The following KIAA1217 variants were observed in gnomAD, a reference collection of about 807,000 sequenced individuals.
The protein encoded by KIAA1217 is sickle tail protein homolog.
In KIAA1217, 88 loss-of-function variants were observed where a neutral mutation model predicts 163.9. The ratio of observed to expected loss-of-function variants is 0.54; its 90% CI spans 0.45 to 0.64. The LOEUF (loss-of-function observed/expected upper bound fraction) is 0.64, where lower values mean the gene tolerates loss of function less well. KIAA1217 is among the 30% of genes least tolerant of loss of function. The pLI, the probability that KIAA1217 is intolerant of heterozygous loss-of-function variation, is 0.00. For synonymous variants in KIAA1217, 903 were observed against 923.1 expected, an observed-to-expected ratio of 0.98 and a Z score of 0.39; for missense variants, 2,372 against 2,475.0, an observed-to-expected ratio of 0.96 and a Z score of 0.88.
intron 1 of KIAA1217, among the ~76,000 whole-genome samples, chr10:23,720,330 C>T (rs1023440382): frequency 1.3e-5 from 2 of 151,952 alleles, no homozygotes; most frequent in African/African-American, 2.4e-5. Context: ...ATGTGTGTCA[C>T]TTGATAAAAT....
chr10:23,934,784 A>AT (rs1164339893), intron 1 of KIAA1217, among the ~76,000 whole-genome samples: 1 of 149,668 alleles, frequency 6.7e-6, no homozygotes, highest in Non-Finnish European at 1.5e-5. Flanking sequence ...CACCCGGCTA[A>AT]TTTTTTGTAT....
intron 2 of KIAA1217, among the ~76,000 whole-genome samples, chr10:24,109,507 C>A (rs537587175): frequency 6.6e-6 from 1 of 151,866 alleles, no homozygotes; most frequent in South Asian, 2.1e-4. Flanking sequence ...GGATTAACTG[C>A]ACTGGAGAAA....
At chr10:24,389,531 C>T (rs1303444692) in intron 3 of KIAA1217, among the ~76,000 whole-genome samples, 1 of 150,562 alleles carries the variant, frequency 6.6e-6, no homozygotes, top group Admixed American at 6.6e-5. Flanking sequence ...GTACATGTAC[C>T]CTAGAACTTA....
At chr10:23,736,281 T>C (rs1838798186) in intron 1 of KIAA1217, among the ~76,000 whole-genome samples, 1 of 152,232 alleles carries the variant, frequency 6.6e-6, no homozygotes. Context: ...ATATGTGCAG[T>C]ATGGTGAGTG....
intron 1 of KIAA1217, among the ~76,000 whole-genome samples, chr10:23,999,448 ACACTGCTGC>A (rs557902962): frequency 1.3e-5 from 2 of 152,262 alleles, no homozygotes; most frequent in South Asian, 4.1e-4. Context: ...AGCCACTCTC[ACACTGCTGC>A]CACTGCTACT....
At chr10:23,826,868 C>T (rs1364181616) in intron 1 of KIAA1217, among the ~76,000 whole-genome samples, 1 of 152,154 alleles carries the variant, frequency 6.6e-6, no homozygotes, top group Non-Finnish European at 1.5e-5. Context: ...TGGTCCAACT[C>T]ACTCATGGTT....
intron 3 of KIAA1217, among the ~76,000 whole-genome samples, chr10:24,411,343 A>G (rs747239697): frequency 1.4e-4 from 22 of 152,088 alleles, no homozygotes; most frequent in Non-Finnish European, 2.6e-4. Flanking sequence ...GTGTTTTGCA[A>G]TTGCAAGGAA....
intron 2 of KIAA1217, among the ~76,000 whole-genome samples, chr10:24,094,942 G>T (rs558472802): frequency 2.3e-4 from 35 of 152,228 alleles, no homozygotes; most frequent in African/African-American, 8.2e-4. Context: ...GCAATGGTGG[G>T]CGCCCCTCCC....
intron 1 of KIAA1217, among the ~76,000 whole-genome samples, chr10:23,792,348 G>A (rs1171053289): frequency 6.6e-6 from 1 of 152,146 alleles, no homozygotes; most frequent in African/African-American, 2.4e-5. Context: ...GGAATACATT[G>A]TTTTGAACCA....
intron 2 of KIAA1217, among the ~76,000 whole-genome samples, chr10:24,263,982 C>T (rs542549839): frequency 5.3e-5 from 8 of 152,060 alleles, no homozygotes; most frequent in Non-Finnish European, 1.0e-4. Context: ...CTTAGCCTCC[C>T]GAGGAGCTGG....
At chr10:23,925,897 A>C (rs1843000775) in intron 1 of KIAA1217, among the ~76,000 whole-genome samples, 1 of 152,186 alleles carries the variant, frequency 6.6e-6, no homozygotes, top group East Asian at 1.9e-4. Context: ...GCAAAGTAGT[A>C]AAGCAAATGG....
At chr10:24,204,848 G>T (rs1448869253), upstream of KIAA1217, among the ~76,000 whole-genome samples, 2 of 152,136 alleles carry the variant, frequency 1.3e-5, no homozygotes, top group African/African-American at 2.4e-5. Context: ...GACTTACAGG[G>T]CCTCATACCA....
At chr10:24,528,996 C>T (rs961650196) in intron 14 of KIAA1217, among the ~76,000 whole-genome samples, 8 of 152,106 alleles carry the variant, frequency 5.3e-5, no homozygotes, top group Non-Finnish European at 8.8e-5. Context: ...TTACAAGCCA[C>T]GCGTCTTATT....
chr10:23,863,993 T>C (rs537974016), intron 1 of KIAA1217, among the ~76,000 whole-genome samples: 1 of 152,234 alleles, frequency 6.6e-6, no homozygotes, highest in Admixed American at 6.5e-5. Context: ...AATGCAATGG[T>C]TTACCTTGTG....
chr10:23,990,145 G>C (rs1025558925), intron 1 of KIAA1217, among the ~76,000 whole-genome samples: 2 of 152,186 alleles, frequency 1.3e-5, no homozygotes, highest in Non-Finnish European at 2.9e-5. Context: ...TGTTGCAAAA[G>C]TATCTTCATT....
At chr10:24,247,731 G>A (rs955372782) in intron 2 of KIAA1217, among the ~76,000 whole-genome samples, 9 of 152,158 alleles carry the variant, frequency 5.9e-5, no homozygotes, top group Non-Finnish European at 1.0e-4. Context: ...AACCCGGGAG[G>A]TGGAGCTTGC....
chr10:24,267,542 G>T (rs1217415274), intron 2 of KIAA1217, among the ~76,000 whole-genome samples: 1 of 152,090 alleles, frequency 6.6e-6, no homozygotes, highest in Non-Finnish European at 1.5e-5. Flanking sequence ...TGAACTCCTG[G>T]CCTCAAATGA....
chr10:24,526,987 A>G (rs752644127), intron 13 of KIAA1217, among the ~76,000 whole-genome samples: 2 of 152,202 alleles, frequency 1.3e-5, no homozygotes, highest in Non-Finnish European at 2.9e-5. Context: ...AGGTTCCACT[A>G]ATCTTGGTGT....
chr10:24,192,282 T>G (rs945751812), intron 2 of KIAA1217, among the ~76,000 whole-genome samples: 1 of 152,214 alleles, frequency 6.6e-6, no homozygotes, highest in Non-Finnish European at 1.5e-5. Context: ...TATGTCCCTG[T>G]GTCTTCAGAG....
Sources: allele counts gnomAD v4.1 joint callset (sites outside exome capture counted in the v4.1 genomes callset), GRCh38; gene constraint gnomAD v4.1.1; transcripts MANE v1.5; gene names NCBI Gene and HGNC (gene_info 2026-07-23, HGNC 2026-07-21).